HCN1: variants seen among roughly 807,000 people sequenced by gnomAD.
HCN1 encodes the protein potassium/sodium hyperpolarization-activated cyclic nucleotide-gated channel 1.
In HCN1, 13 loss-of-function variants were observed where a neutral mutation model predicts 78.9. The ratio of observed to expected loss-of-function variants is 0.16; its 90% CI spans 0.11 to 0.26. HCN1 has a LOEUF of 0.26. Among genes scored for constraint, HCN1 ranks in the 10% least tolerant of loss-of-function variants. The probability of loss-of-function intolerance (pLI) is 1.00; values close to 1 mark genes in which losing one functional copy is unlikely to be tolerated. For missense variants in HCN1, 810 were observed against 1,154.3 expected (o/e 0.70, Z 4.32); for synonymous variants, 552 against 455.5 (o/e 1.21, Z -2.70).
At chr5:45,641,268 CAA>C (rs373342322) in intron 2 of HCN1, among the ~76,000 whole-genome samples, 207 of 152,122 alleles carry the variant, frequency 1.4e-3, no homozygotes, top group African/African-American at 4.7e-3. Flanking sequence ...TAAAATTAAC[CAA>C]AGATAGAAAC....
At chr5:45,302,907 A>G (rs1028619574) in intron 6 of HCN1, among the ~76,000 whole-genome samples, 2 of 152,070 alleles carry the variant, frequency 1.3e-5, no homozygotes, top group African/African-American at 4.8e-5. Context: ...GCCTTCTGCC[A>G]TGATTCTGAG....
In HCN1 at chr5:45,509,048, T is replaced by C. The variant is rs192155295; in HGVS notation, c.850-47041A>G. Among the ~76,000 whole-genome samples, 582 of 152,252 alleles carry C rather than the reference T, an allele frequency of 3.8e-3. 3 individuals are homozygous for C. The highest frequency in any genetic ancestry group is 6.6e-3 in the Non-Finnish European group (448 of 68,000). On this transcript the variant is annotated intron_variant, in intron 2 of 7. Coordinates refer to ENST00000303230, the MANE Select transcript of HCN1 (RefSeq NM_021072.4). ...CCAAAGCACATGAGTAAAATAATGA[T>C]TTTCCTTACTTTCAAGTCCTTTAAA...
intron 2 of HCN1, among the ~76,000 whole-genome samples, chr5:45,513,173 A>G (rs1052922746): frequency 6.6e-6 from 1 of 152,138 alleles, no homozygotes; most frequent in African/African-American, 2.4e-5. Context: ...ATACATCGAG[A>G]AAGTAACTGA....
At chr5:45,660,323 C>A (rs1395660516) in intron 1 of HCN1, among the ~76,000 whole-genome samples, 1 of 109,870 alleles carries the variant, frequency 9.1e-6, no homozygotes, top group Non-Finnish European at 1.8e-5. Context: ...TGGAAAGGAA[C>A]AACCGGTACC....
At chr5:45,596,054 C>A (rs1744488229) in intron 2 of HCN1, among the ~76,000 whole-genome samples, 2 of 151,664 alleles carry the variant, frequency 1.3e-5, no homozygotes, top group Admixed American at 6.6e-5. Context: ...CACAACCACA[C>A]CCGGCTAATT....
chr5:45,421,978 C>A (rs1450097906), intron 3 of HCN1, among the ~76,000 whole-genome samples: 2 of 152,180 alleles, frequency 1.3e-5, no homozygotes, highest in Non-Finnish European at 2.9e-5. Context: ...ACAGCAAAAG[C>A]AGGAAGGTCA....
At chr5:45,325,999 C>T (rs1746226818) in intron 5 of HCN1, among the ~76,000 whole-genome samples, 1 of 151,288 alleles carries the variant, frequency 6.6e-6, no homozygotes, top group Non-Finnish European at 1.5e-5. Flanking sequence ...AAAAGGAGGG[C>T]TGATGAATTG....
intron 4 of HCN1, among the ~76,000 whole-genome samples, chr5:45,364,403 T>C (rs1317342109): frequency 6.6e-6 from 1 of 151,010 alleles, no homozygotes; most frequent in East Asian, 2.0e-4. Flanking sequence ...AAACGCAAAA[T>C]TGAAATTGTC....
At chr5:45,660,311 C>T (rs1315256110) in intron 1 of HCN1, among the ~76,000 whole-genome samples, 2 of 109,746 alleles carry the variant, frequency 1.8e-5, no homozygotes, top group African/African-American at 9.2e-5. Flanking sequence ...AAGCGCTAAA[C>T]ATGGAAAGGA....
intron 2 of HCN1, among the ~76,000 whole-genome samples, chr5:45,464,039 T>G (rs1741220257): frequency 1.3e-5 from 2 of 152,104 alleles, no homozygotes; most frequent in Admixed American, 1.3e-4. Flanking sequence ...TATGGAATGG[T>G]CTAGAGAACT....
At chr5:45,332,154 T>C (rs571474797) in intron 5 of HCN1, among the ~76,000 whole-genome samples, 7 of 151,200 alleles carry the variant, frequency 4.6e-5, no homozygotes, top group Non-Finnish European at 1.0e-4. Context: ...AAGCTTTACC[T>C]AGCACAGGCA....
At chr5:45,290,547 C>G (rs1159260018) in intron 6 of HCN1, among the ~76,000 whole-genome samples, 1 of 151,968 alleles carries the variant, frequency 6.6e-6, no homozygotes, top group African/African-American at 2.4e-5. Context: ...ATAAATAAGA[C>G]ACTTTTGTGT....
rs1375633904 is a variant in HCN1, at chr5:45,258,618, G to A, written c.*3303C>T. 2.0e-5 allele frequency: 3 copies of A among 151,924 alleles called. No homozygotes were observed. The highest frequency in any genetic ancestry group is 2.9e-5 in the Non-Finnish European group (2 of 67,952). The allele number at this position is 151,924 out of a possible 1,614,324, so 9.4% of individuals were successfully genotyped here. A position where few individuals can be genotyped will look rare whatever the true frequency, so the allele number is the denominator to read the frequency against. On this transcript the variant is annotated 3_prime_UTR_variant, in exon 8 of 8. Coordinates refer to ENST00000303230, the MANE Select transcript of HCN1 (RefSeq NM_021072.4). The stretch of plus-strand genomic sequence containing the variant: ...ATTTAAAACCCACTTGTGTGGGGAG[G>A]TTCTATCACTCTCCAAATAACTTTG...
rs1020938285 is a variant in HCN1, at chr5:45,546,623, A to G, written c.850-84616T>C. On this transcript the variant is annotated intron_variant, in intron 2 of 7. Transcript: ENST00000303230. ...ATTTCACTTTTATTAATTCAAATAA[A>G]ATTTCCTCCATAATATTTTACATCT... Among the ~76,000 whole-genome samples, 3 of 151,854 alleles carry G rather than the reference A, an allele frequency of 2.0e-5. No homozygotes were observed. In the East Asian group the frequency reaches 5.8e-4, roughly 29 times the overall value.
chr5:45,278,619 T>TTAAG (rs1745107707), intron 6 of HCN1, among the ~76,000 whole-genome samples: 1 of 152,146 alleles, frequency 6.6e-6, no homozygotes, highest in African/African-American at 2.4e-5. Flanking sequence ...GTATGTAAGC[T>TTAAG]TAAGTATGGG....
At chr5:45,617,570 T>A (rs1346748626) in intron 2 of HCN1, among the ~76,000 whole-genome samples, 2 of 152,126 alleles carry the variant, frequency 1.3e-5, no homozygotes, top group Non-Finnish European at 2.9e-5. Flanking sequence ...GCCACTTCAT[T>A]TCCCACTTTT....
intron 6 of HCN1, among the ~76,000 whole-genome samples, chr5:45,301,573 A>T (rs1361218473): frequency 6.6e-6 from 1 of 151,374 alleles, no homozygotes; most frequent in Non-Finnish European, 1.5e-5. Flanking sequence ...AAAAAATAGG[A>T]AAGCAGGGCA....
At chr5:45,492,311 T>C (rs1186067153) in intron 2 of HCN1, among the ~76,000 whole-genome samples, 1 of 149,960 alleles carries the variant, frequency 6.7e-6, no homozygotes, top group Admixed American at 6.7e-5. Context: ...TGTGTGTGTG[T>C]GTGTGTGTGT....
Position 45,345,587 on chromosome 5 carries a change from G to A in HCN1, c.1377+7513C>T, listed in dbSNP as rs894303835. ...TTCCACAAAGATCTCTATGGCAGGG[G>A]CAAAATGCCACCAGTCTCTTTGCTA... On this transcript the variant is annotated intron_variant, in intron 5 of 7. Coordinates refer to ENST00000303230, the MANE Select transcript of HCN1 (RefSeq NM_021072.4). Among the ~76,000 whole-genome samples the A allele has an allele frequency of 7.9e-5, 12 of 152,198 alleles. 1 individual carries two copies. Among genetic ancestry groups the A allele is most frequent in the African/African-American group, 2.9e-4 (12 of 41,538 alleles).
Sources: allele counts gnomAD v4.1 joint callset (sites outside exome capture counted in the v4.1 genomes callset), GRCh38; gene constraint gnomAD v4.1.1; transcripts MANE v1.5; gene names NCBI Gene and HGNC (gene_info 2026-07-23, HGNC 2026-07-21).